Variants in TRERF1 observed in about 807,000 individuals in gnomAD.
TRERF1 encodes transcriptional-regulating factor 1.
A neutral mutation model predicts 122.9 loss-of-function variants in TRERF1; 27 were observed. That is an observed-to-expected ratio of 0.22 (90% confidence interval 0.16 to 0.30). TRERF1 has a LOEUF of 0.30. Among genes scored for constraint, TRERF1 ranks in the 10% least tolerant of loss-of-function variants. TRERF1 has a pLI of 1.00. For synonymous variants in TRERF1, 636 were observed against 641.7 expected, an observed-to-expected ratio of 0.99 and a Z score of 0.13; for missense variants, 1,248 against 1,560.3, an observed-to-expected ratio of 0.80 and a Z score of 3.37.
At chr6:42,283,216 A>C (rs1782596266) in intron 4 of TRERF1, among the ~76,000 whole-genome samples, 1 of 152,248 alleles carries the variant, frequency 6.6e-6, no homozygotes, top group Non-Finnish European at 1.5e-5. Context: ...AAGAAGGTGG[A>C]GTTGCCTTGT....
chr6:42,290,895 G>A (rs575426341), intron 4 of TRERF1, among the ~76,000 whole-genome samples: 3 of 151,980 alleles, frequency 2.0e-5, no homozygotes, highest in South Asian at 2.1e-4. Flanking sequence ...TGGAGCTCCC[G>A]GCTTGGAGAC....
At chr6:42,429,652 C>T (rs2151645819) in intron 2 of TRERF1, among the ~76,000 whole-genome samples, 1 of 152,294 alleles carries the variant, frequency 6.6e-6, no homozygotes, top group Middle Eastern at 3.4e-3. Context: ...TGGGGGCCCT[C>T]CCGAGCCCCC....
At chr6:42,236,097 CTG>C (rs2149524911) in intron 16 of TRERF1, 106 bp downstream of exon 16, 3 of 1,449,328 alleles carry the variant, frequency 2.1e-6, no homozygotes, top group Non-Finnish European at 2.7e-6. Context: ...CTCTGCCAAA[CTG>C]TGACTGTTGG....
At chr6:42,363,273 G>A (rs1352567591) in intron 2 of TRERF1, among the ~76,000 whole-genome samples, 194 bp from the exon 3 acceptor site, 1 of 152,200 alleles carries the variant, frequency 6.6e-6, no homozygotes. Flanking sequence ...GGACTTAGGA[G>A]ACCAAGACGT....
chr6:42,359,134 C>G (rs1771202427), intron 3 of TRERF1, among the ~76,000 whole-genome samples: 2 of 152,188 alleles, frequency 1.3e-5, no homozygotes, highest in Admixed American at 6.5e-5. Context: ...CTGTGCCAAC[C>G]AGTGCTCTCC....
At chr6:42,266,839 G>A (rs1779285870) in intron 5 of TRERF1, among the ~76,000 whole-genome samples, 1 of 152,172 alleles carries the variant, frequency 6.6e-6, no homozygotes, top group South Asian at 2.1e-4. Flanking sequence ...TGGCTAGACT[G>A]TTTTTTAAAA....
intron 3 of TRERF1, among the ~76,000 whole-genome samples, chr6:42,303,745 T>A (rs190969396): frequency 2.0e-5 from 3 of 151,876 alleles, no homozygotes; most frequent in Non-Finnish European, 4.4e-5. Context: ...TGAAACCCCA[T>A]CTCTACAAAA....
At chr6:42,329,254 G>A (rs1343581856) in intron 3 of TRERF1, among the ~76,000 whole-genome samples, 1 of 152,088 alleles carries the variant, frequency 6.6e-6, no homozygotes, top group Non-Finnish European at 1.5e-5. Flanking sequence ...TGGTCCTAGT[G>A]GCCAACACTA....
chr6:42,443,914 A>G (rs542058813), intron 2 of TRERF1, among the ~76,000 whole-genome samples: 2 of 152,306 alleles, frequency 1.3e-5, no homozygotes, highest in South Asian at 2.1e-4. Context: ...TACCGTTGAC[A>G]TCGCACTTTC....
At chr6:42,338,417 G>A (rs1460012235) in intron 3 of TRERF1, among the ~76,000 whole-genome samples, 1 of 152,236 alleles carries the variant, frequency 6.6e-6, no homozygotes, top group Non-Finnish European at 1.5e-5. Context: ...CATGTGCACA[G>A]AGGTATGAAA....
At chr6:42,443,123 C>A (rs146758962) in intron 2 of TRERF1, among the ~76,000 whole-genome samples, 4 of 152,276 alleles carry the variant, frequency 2.6e-5, no homozygotes, top group African/African-American at 9.6e-5. Flanking sequence ...AACCAAATTG[C>A]TATCAGTTCC....
At chr6:42,261,203 TAC>T (rs1240977944) in intron 8 of TRERF1, among the ~76,000 whole-genome samples, 1 of 152,142 alleles carries the variant, frequency 6.6e-6, no homozygotes, top group East Asian at 1.9e-4. Flanking sequence ...GCCCTGAAGA[TAC>T]ACTCTGTTCC....
chr6:42,352,676 C>G (rs1263690479), intron 3 of TRERF1, among the ~76,000 whole-genome samples: 1 of 152,074 alleles, frequency 6.6e-6, no homozygotes, highest in African/African-American at 2.4e-5. Context: ...AGGTTAGAAT[C>G]CTTTAATATG....
intron 3 of TRERF1, among the ~76,000 whole-genome samples, chr6:42,309,566 A>G (rs911814889): frequency 4.6e-5 from 7 of 152,112 alleles, no homozygotes; most frequent in African/African-American, 1.7e-4. Context: ...TTAGACCTGA[A>G]GCCTTAGCAT....
At chr6:42,372,631 C>T (rs1194559275) in intron 2 of TRERF1, among the ~76,000 whole-genome samples, 4 of 152,184 alleles carry the variant, frequency 2.6e-5, no homozygotes, top group African/African-American at 4.8e-5. Context: ...TTTGGAGATG[C>T]GCACACTCAA....
At chr6:42,225,199 CCTTTTTTTTT>C, downstream of TRERF1, 1 of 142,074 alleles carries the variant, frequency 7.0e-6, no homozygotes, top group East Asian at 2.0e-4. Context: ...GCCCCAGTTT[CCTTTTTTTTT>C]CTTTTTTTTT....
At chr6:42,246,342 G>T in intron 14 of TRERF1, 114 bp downstream of exon 14, 2 of 838,098 alleles carry the variant, frequency 2.4e-6, no homozygotes, top group Non-Finnish European at 3.9e-6. Flanking sequence ...CAGCGAGTGT[G>T]GAAGACATCC....
intron 16 of TRERF1, among the ~76,000 whole-genome samples, chr6:42,235,237 T>A (rs1771840529): frequency 6.6e-6 from 1 of 152,202 alleles, no homozygotes; most frequent in Non-Finnish European, 1.5e-5. Context: ...CTATATCATG[T>A]ATGAGCAAAG....
intron 12 of TRERF1, 129 bp from the exon 13 acceptor site, chr6:42,255,055 C>G (rs1355254036): frequency 4.9e-6 from 4 of 809,558 alleles, no homozygotes; most frequent in African/African-American, 3.4e-5. Context: ...GGAAGGAAAC[C>G]CAGAGGGAGA....
Sources: allele counts gnomAD v4.1 joint callset (sites outside exome capture counted in the v4.1 genomes callset), GRCh38; gene constraint gnomAD v4.1.1; transcripts MANE v1.5; gene names NCBI Gene and HGNC (gene_info 2026-07-23, HGNC 2026-07-21).